Variants in CDH13 observed in about 807,000 individuals in gnomAD.
CDH13 encodes the protein cadherin-13.
A neutral mutation model predicts 63.8 loss-of-function variants in CDH13; 24 were observed. The observed-to-expected ratio is 0.38, with a 90% confidence interval of 0.27 to 0.53. CDH13 has a LOEUF of 0.53. Among genes scored for constraint, CDH13 ranks in the 20% least tolerant of loss-of-function variants. The pLI is 0.85. For synonymous variants in CDH13, 503 were observed against 355.3 expected, an observed-to-expected ratio of 1.42 and a Z score of -4.67; for missense variants, 1,049 against 903.1, an observed-to-expected ratio of 1.16 and a Z score of -2.07.
intron 7 of CDH13, among the ~76,000 whole-genome samples, chr16:83,513,716 C>G (rs373274554): frequency 6.6e-6 from 1 of 152,118 alleles, no homozygotes; most frequent in Non-Finnish European, 1.5e-5. Flanking sequence ...GATCCAATTA[C>G]CTCTCACCAG....
intron 8 of CDH13, among the ~76,000 whole-genome samples, chr16:83,636,523 G>C (rs1911280045): frequency 6.6e-6 from 1 of 152,104 alleles, no homozygotes; most frequent in Non-Finnish European, 1.5e-5. Flanking sequence ...ACTTCGGACT[G>C]AGAACCTGCA....
At chr16:82,630,249 T>C (rs1040129330) in intron 1 of CDH13, among the ~76,000 whole-genome samples, 6 of 152,294 alleles carry the variant, frequency 3.9e-5, no homozygotes, top group Non-Finnish European at 8.8e-5. Flanking sequence ...GGTCAATACA[T>C]GACAGCCTGT....
At chr16:83,518,761 G>A (rs1477715359) in intron 7 of CDH13, among the ~76,000 whole-genome samples, 1 of 152,072 alleles carries the variant, frequency 6.6e-6, no homozygotes, top group Non-Finnish European at 1.5e-5. Flanking sequence ...TTGAGCCACC[G>A]AGCCCGGCCG....
chr16:83,327,286 A>C (rs1363367676), intron 5 of CDH13, among the ~76,000 whole-genome samples: 1 of 152,244 alleles, frequency 6.6e-6, no homozygotes, highest in Non-Finnish European at 1.5e-5. Flanking sequence ...TGAGAGTGAC[A>C]ATAACTTCAC....
chr16:82,642,577 C>G (rs943184570), intron 1 of CDH13, among the ~76,000 whole-genome samples: 3 of 152,154 alleles, frequency 2.0e-5, no homozygotes, highest in Non-Finnish European at 4.4e-5. Flanking sequence ...AAGCCACATT[C>G]CTAATCATAC....
intron 5 of CDH13, among the ~76,000 whole-genome samples, chr16:83,286,738 A>G (rs1442428428): frequency 2.8e-5 from 4 of 144,812 alleles, no homozygotes; most frequent in Non-Finnish European, 4.5e-5. Flanking sequence ...CCTGGGCAAC[A>G]AAGTGCGACT....
intron 1 of CDH13, among the ~76,000 whole-genome samples, chr16:82,661,841 A>T (rs1249811166): frequency 6.6e-6 from 1 of 152,270 alleles, no homozygotes; most frequent in African/African-American, 2.4e-5. Context: ...CAATTTAGGA[A>T]CAACTAAGGT....
Position 83,682,572 on chromosome 16 carries a change from T to G in CDH13, c.1538+4111T>G, listed in dbSNP as rs559551225. Reference sequence around the variant, plus strand: ...ACTGTGCGCATCCTGAGATTGACTGTGTTGGCTGTGCGGTCACCACAGTTG... The same window carrying G: ...ACTGTGCGCATCCTGAGATTGACTGGGTTGGCTGTGCGGTCACCACAGTTG... On this transcript the variant is annotated intron_variant, in intron 10 of 13. Transcript: ENST00000567109. Among the ~76,000 whole-genome samples the G allele has an allele frequency of 3.3e-5, 5 of 152,274 alleles. No individual in the cohort carries two copies. In the East Asian group the frequency reaches 7.7e-4, roughly 24 times the overall value.
intron 1 of CDH13, among the ~76,000 whole-genome samples, chr16:82,686,190 G>A (rs1457922370): frequency 6.6e-6 from 1 of 152,194 alleles, no homozygotes; most frequent in East Asian, 1.9e-4. Flanking sequence ...TGTGGGGTCT[G>A]GAGAGAGTGA....
chr16:83,350,790 T>C (rs1018721309), intron 6 of CDH13, among the ~76,000 whole-genome samples: 5 of 152,204 alleles, frequency 3.3e-5, no homozygotes, highest in Admixed American at 1.3e-4. Context: ...TGTAGTGAGA[T>C]AGGAGGCCGC....
intron 4 of CDH13, among the ~76,000 whole-genome samples, chr16:83,162,338 A>G (rs2037484030): frequency 6.6e-6 from 1 of 152,144 alleles, no homozygotes; most frequent in South Asian, 2.1e-4. Flanking sequence ...AAGCATCATC[A>G]TGCTTTATTT....
At chr16:82,815,877 A>G (rs2037680753) in intron 1 of CDH13, among the ~76,000 whole-genome samples, 1 of 152,218 alleles carries the variant, frequency 6.6e-6, no homozygotes, top group South Asian at 2.1e-4. Flanking sequence ...CTTTAACACC[A>G]CAGATGACTG....
At chr16:83,701,414 G>A (rs542200482) in intron 10 of CDH13, among the ~76,000 whole-genome samples, 11 of 152,224 alleles carry the variant, frequency 7.2e-5, no homozygotes, top group African/African-American at 1.9e-4. Context: ...GTATCCATGC[G>A]GTGCACTCTG....
At chr16:83,092,129 G>A (rs938455239) in intron 3 of CDH13, among the ~76,000 whole-genome samples, 4 of 152,124 alleles carry the variant, frequency 2.6e-5, no homozygotes, top group African/African-American at 9.7e-5. Context: ...TCTCATTATG[G>A]ACTGTCAAAA....
rs7191669 is a variant in CDH13, at chr16:82,955,873, A to G, written c.158-76137A>G. Among the ~76,000 whole-genome samples the G allele has an allele frequency of 4.2e-3, 639 of 152,362 alleles. 1 individual carries two copies. Among genetic ancestry groups the G allele is most frequent in the African/African-American group, 0.014 (594 of 41,580 alleles). On this transcript the variant is annotated intron_variant, in intron 2 of 13. Coordinates refer to ENST00000567109, the MANE Select transcript of CDH13 (RefSeq NM_001257.5). ...CAGGAGGGGTTTGCAATGTAAATAA[A>G]GAGACAAAGAATGCCTTAGGTGTTT...
chr16:83,078,796 T>C (rs1394596185), intron 3 of CDH13, among the ~76,000 whole-genome samples: 1 of 152,132 alleles, frequency 6.6e-6, no homozygotes. Flanking sequence ...TTGTTTTGGT[T>C]TTTTGGTTTT....
intron 2 of CDH13, among the ~76,000 whole-genome samples, chr16:83,016,256 A>G (rs900770321): frequency 6.6e-6 from 1 of 152,246 alleles, no homozygotes; most frequent in African/African-American, 2.4e-5. Context: ...TGTAAGCCAA[A>G]TCATTGTCTT....
At chr16:83,261,371 C>T (rs969712950) in intron 5 of CDH13, among the ~76,000 whole-genome samples, 4 of 152,142 alleles carry the variant, frequency 2.6e-5, no homozygotes, top group Admixed American at 6.5e-5. Flanking sequence ...CAGGGGAGAA[C>T]TGGCAGTGTC....
chr16:83,031,837 C>G (rs1460986707), intron 2 of CDH13, among the ~76,000 whole-genome samples, 173 bp from the exon 3 acceptor site: 1 of 152,130 alleles, frequency 6.6e-6, no homozygotes, highest in Non-Finnish European at 1.5e-5. Flanking sequence ...GAGTGAAGTC[C>G]ATCAGCACAA....
Sources: allele counts gnomAD v4.1 joint callset (sites outside exome capture counted in the v4.1 genomes callset), GRCh38; gene constraint gnomAD v4.1.1; transcripts MANE v1.5; gene names NCBI Gene and HGNC (gene_info 2026-07-23, HGNC 2026-07-21).